Variants in SHANK2 observed in about 807,000 individuals in gnomAD.
SHANK2 encodes SH3 and multiple ankyrin repeat domains protein 2.
SHANK2 carries 43 observed loss-of-function variants against 133.7 expected under a neutral mutation model. That is an observed-to-expected ratio of 0.32 (90% CI 0.25 to 0.41). The LOEUF (loss-of-function observed/expected upper bound fraction) is 0.41, where lower values mean the gene tolerates loss of function less well. Ranked by LOEUF, SHANK2 falls within the 10% of genes least tolerant of loss-of-function variation. The pLI is 1.00. For synonymous variants in SHANK2, 1,017 were observed against 952.8 expected, an observed-to-expected ratio of 1.07 and a Z score of -1.24; for missense variants, 1,994 against 2,235.8, an observed-to-expected ratio of 0.89 and a Z score of 2.18.
Position 70,502,780 on chromosome 11 carries a change from G to A in SHANK2, c.2197+16C>T, listed in dbSNP as rs782444426. 2.1e-5 allele frequency: 33 copies of A among 1,596,768 alleles called. No individual in the cohort carries two copies. Among genetic ancestry groups the A allele is most frequent in the East Asian group, 2.2e-5 (1 of 44,448 alleles). ...GTAGGGCCCCAGGCTGGAGCTGGGC[G>A]ATGTGGGGCATGTACCTTTCTTCCT... On this transcript the variant is annotated intron_variant, in intron 18 of 25. Coordinates refer to ENST00000601538, the MANE Select transcript of SHANK2 (RefSeq NM_012309.5).
At chr11:70,747,308 C>T (rs1367794307) in intron 14 of SHANK2, among the ~76,000 whole-genome samples, 2 of 152,100 alleles carry the variant, frequency 1.3e-5, no homozygotes, top group East Asian at 1.9e-4. Context: ...CCAGAACTAG[C>T]CCTGGGCAGC....
intron 2 of SHANK2, 123 bp downstream of exon 2, chr11:71,224,574 A>C (rs1434566758): frequency 1.3e-5 from 2 of 152,306 alleles, no homozygotes; most frequent in African/African-American, 4.8e-5. Flanking sequence ...CAGGGCACAC[A>C]GGGCCTGACA....
chr11:70,643,570 A>G (rs1555007148), intron 17 of SHANK2, among the ~76,000 whole-genome samples: 3 of 125,952 alleles, frequency 2.4e-5, no homozygotes, highest in African/African-American at 1.3e-4. Context: ...CGTCTCGGAA[A>G]AAAAAAAAAA....
chr11:70,761,541 T>C (rs980084123), intron 14 of SHANK2, among the ~76,000 whole-genome samples: 1 of 152,256 alleles, frequency 6.6e-6, no homozygotes, highest in Non-Finnish European at 1.5e-5. Context: ...GACGCACCTC[T>C]ATGGGTCCTC....
chr11:70,539,929 G>A (rs1359377874), intron 17 of SHANK2, among the ~76,000 whole-genome samples: 1 of 152,150 alleles, frequency 6.6e-6, no homozygotes, highest in Non-Finnish European at 1.5e-5. Context: ...GCCCCTGGTG[G>A]TGGCTGGCAA....
chr11:71,152,256 A>C (rs1388850569), intron 2 of SHANK2, among the ~76,000 whole-genome samples: 17 of 152,040 alleles, frequency 1.1e-4, no homozygotes, highest in African/African-American at 4.1e-4. Context: ...GGGATTACAG[A>C]TACCTGCCAC....
rs1565496234 is a variant in SHANK2 at position 71,175,548 on chromosome 11, GA to G, written c.-12-28211del. ...AGACAGACAGACAGAGGGAGAGGGA[GA>G]GGGAGAGAGAGAGAGAGAGAGAGAG... On this transcript the variant is annotated intron_variant, in intron 2 of 25. Transcript: ENST00000601538. The surrounding 1 kb of genome is among the most constrained non-coding windows in gnomAD (Gnocchi z 4.2). Among the ~76,000 whole-genome samples, 165 of 12,692 alleles carry G rather than the reference GA, an allele frequency of 0.013. 4 individuals are homozygous for G. Among genetic ancestry groups the G allele is most frequent in the South Asian group, 0.044 (11 of 252 alleles). 8.3% of individuals were successfully genotyped at this position (12,692 alleles called of 152,430 possible).
chr11:70,661,825 G>A, intron 15 of SHANK2, 147 bp from the exon 16 acceptor site: 2 of 1,608,178 alleles, frequency 1.2e-6, no homozygotes, highest in Non-Finnish European at 1.7e-6. Flanking sequence ...AGGAGGCAGC[G>A]AGGGTGCAGG....
chr11:70,952,891 G>A (rs958672045), intron 10 of SHANK2: 1 of 281,082 alleles, frequency 3.6e-6, no homozygotes, highest in African/African-American at 2.3e-5. Context: ...CTGTAAGCCA[G>A]TGTCCAAAAT....
chr11:71,119,578 C>CAAAAAAAAAAAAAAAAAAAA (rs55759811), intron 3 of SHANK2, among the ~76,000 whole-genome samples: 1 of 134,450 alleles, frequency 7.4e-6, no homozygotes, highest in Admixed American at 7.4e-5. Context: ...GACTCCATCT[C>CAAAAAAAAAAAAAAAAAAAA]AAAAAAAAAA....
intron 14 of SHANK2, among the ~76,000 whole-genome samples, chr11:70,732,922 A>G (rs1304652377): frequency 3.9e-5 from 6 of 152,220 alleles, no homozygotes; most frequent in African/African-American, 1.4e-4. Context: ...AGCTCTGGAA[A>G]TGGTGTCTGG....
chr11:70,736,541 G>T (rs541465025), intron 14 of SHANK2, among the ~76,000 whole-genome samples: 1 of 152,276 alleles, frequency 6.6e-6, no homozygotes, highest in South Asian at 2.1e-4. Context: ...GGGAAATAGG[G>T]CCACAGCCGA....
chr11:71,218,377 G>A (rs1954462293), intron 2 of SHANK2, among the ~76,000 whole-genome samples: 1 of 147,252 alleles, frequency 6.8e-6, no homozygotes, highest in African/African-American at 2.5e-5. Flanking sequence ...CGATTCTCCT[G>A]CCTCAGCCTC....
intron 2 of SHANK2, among the ~76,000 whole-genome samples, chr11:71,160,987 T>C (rs1194211127): frequency 6.6e-6 from 1 of 152,202 alleles, no homozygotes; most frequent in African/African-American, 2.4e-5. Flanking sequence ...TTTAAGAAGT[T>C]TACTTTTGTT....
At position 70,624,727 on chromosome 11, in the gene SHANK2, C is replaced by T. The variant is rs114896880; in HGVS notation, c.2061+35101G>A. 8.2e-3 allele frequency among the ~76,000 whole-genome samples: 1,244 copies of T among 152,226 alleles called. 15 individuals are homozygous for T. Among genetic ancestry groups the T allele is most frequent in the African/African-American group, 0.028 (1,177 of 41,538 alleles). On this transcript the variant is annotated intron_variant, in intron 17 of 25. Transcript: ENST00000601538. ...CATGGAGTGGGGAGAGGCCAGGCTG[C>T]TGCTGGACACCCCACAGTGTGCAGG...
chr11:70,763,535 C>T (rs903501137), intron 14 of SHANK2, among the ~76,000 whole-genome samples: 3 of 152,108 alleles, frequency 2.0e-5, no homozygotes, highest in African/African-American at 7.2e-5. Context: ...AGGCTGGGCT[C>T]GCAGTGGTCA....
intron 17 of SHANK2, among the ~76,000 whole-genome samples, chr11:70,622,581 G>C (rs373785999): frequency 1.3e-5 from 2 of 152,190 alleles, no homozygotes; most frequent in Non-Finnish European, 2.9e-5. Context: ...CAGGGGCTGC[G>C]GCCACCCTGG....
intron 17 of SHANK2, among the ~76,000 whole-genome samples, chr11:70,658,201 C>A (rs1234811763): frequency 1.6e-5 from 2 of 128,580 alleles, no homozygotes; most frequent in Non-Finnish European, 3.4e-5. Flanking sequence ...CAAGGCCACG[C>A]CCCCCCAACA....
At chr11:70,611,692 C>G (rs1387371504) in intron 17 of SHANK2, among the ~76,000 whole-genome samples, 3 of 152,198 alleles carry the variant, frequency 2.0e-5, no homozygotes, top group Non-Finnish European at 2.9e-5. Context: ...CCACTGGCCC[C>G]AGGGCAAGAT....
Sources: allele counts gnomAD v4.1 joint callset (sites outside exome capture counted in the v4.1 genomes callset), GRCh38; gene constraint gnomAD v4.1.1; non-coding constraint Gnocchi (gnomAD v3.1); transcripts MANE v1.5; gene names NCBI Gene and HGNC (gene_info 2026-07-23, HGNC 2026-07-21).